Variants in FHOD3 observed in about 807,000 individuals in gnomAD.
FHOD3 encodes formin homology 2 domain containing 3.
Under a neutral mutation model 173.0 loss-of-function variants are expected in FHOD3, and 90 were observed. That is an observed-to-expected ratio of 0.52 (90% CI 0.44 to 0.62). The LOEUF is 0.62. Ranked by LOEUF, FHOD3 falls within the 20% of genes least tolerant of loss-of-function variation. FHOD3 has a pLI of 0.00. For missense variants in FHOD3, 1,945 were observed against 2,034.7 expected, an observed-to-expected ratio of 0.96 and a Z score of 0.85; for synonymous variants, 828 against 823.0, an observed-to-expected ratio of 1.01 and a Z score of -0.10.
At chr18:36,303,870 G>T (rs1184717839) in intron 1 of FHOD3, among the ~76,000 whole-genome samples, 1 of 152,036 alleles carries the variant, frequency 6.6e-6, no homozygotes. Context: ...GATTTTTGGG[G>T]GTGAAGGGGG....
intron 3 of FHOD3, among the ~76,000 whole-genome samples, chr18:36,423,124 C>G (rs202216098): frequency 3.5e-5 from 5 of 142,706 alleles, no homozygotes; most frequent in Non-Finnish European, 7.7e-5. Flanking sequence ...ACACCCCCCC[C>G]AAACTTCATG....
chr18:36,479,697 G>A (rs189292356), intron 3 of FHOD3, among the ~76,000 whole-genome samples: 32 of 152,118 alleles, frequency 2.1e-4, no homozygotes, highest in Admixed American at 1.8e-3. Context: ...ACTATATAGC[G>A]TGAATATATT....
chr18:36,511,058 T>A (rs1214066804), intron 4 of FHOD3, among the ~76,000 whole-genome samples: 1 of 152,250 alleles, frequency 6.6e-6, no homozygotes, highest in Non-Finnish European at 1.5e-5. Context: ...ATCTACATTA[T>A]TTTTTCTCTT....
rs539936030 is a variant in FHOD3, at chr18:36,721,492, C to G, written c.3417+2777C>G. 2.0e-5 allele frequency among the ~76,000 whole-genome samples: 3 copies of G among 152,016 alleles called. No homozygotes were observed. In the East Asian group the frequency reaches 5.8e-4, roughly 29 times the overall value. On this transcript the variant is annotated intron_variant, in intron 19 of 28. Coordinates refer to ENST00000590592, the MANE Select transcript of FHOD3 (RefSeq NM_001281740.3). ...CCCATCTCTATAAAATGTACACACA[C>G]GCACACAGCCAGGGATGGTAGTACA...
At chr18:36,531,226 C>G (rs1178393761) in intron 5 of FHOD3, among the ~76,000 whole-genome samples, 1 of 152,104 alleles carries the variant, frequency 6.6e-6, no homozygotes, top group Non-Finnish European at 1.5e-5. Context: ...AGAAGGAAGA[C>G]CCATCTGTGA....
intron 3 of FHOD3, among the ~76,000 whole-genome samples, chr18:36,458,116 G>A (rs543251016): frequency 5.6e-4 from 85 of 152,232 alleles, no homozygotes; most frequent in African/African-American, 2.0e-3. Flanking sequence ...TATCAGAAAG[G>A]GTTCTGGATT....
intron 3 of FHOD3, among the ~76,000 whole-genome samples, chr18:36,480,323 T>A (rs1054142470): frequency 2.0e-5 from 3 of 152,168 alleles, no homozygotes; most frequent in Non-Finnish European, 2.9e-5. Context: ...AAAAATTACA[T>A]TTAAATCTGT....
chr18:36,543,774 A>T (rs1254346012), intron 5 of FHOD3, among the ~76,000 whole-genome samples: 1 of 152,208 alleles, frequency 6.6e-6, no homozygotes, highest in Non-Finnish European at 1.5e-5. Context: ...TCTTCAAATC[A>T]GCATTTGGTA....
intron 1 of FHOD3, among the ~76,000 whole-genome samples, chr18:36,335,426 C>G (rs2045256869): frequency 6.7e-6 from 1 of 149,264 alleles, no homozygotes; most frequent in African/African-American, 2.5e-5. Context: ...ACCCGGGAGG[C>G]AGAGCTTGCA....
chr18:36,708,412 G>A (rs1039493486), intron 17 of FHOD3, among the ~76,000 whole-genome samples: 1 of 152,184 alleles, frequency 6.6e-6, no homozygotes, highest in African/African-American at 2.4e-5. Flanking sequence ...AGGCAAAAAG[G>A]TTATATATTA....
At chr18:36,741,337 A>G (rs1016717723) in intron 21 of FHOD3, among the ~76,000 whole-genome samples, 8 of 152,198 alleles carry the variant, frequency 5.3e-5, no homozygotes, top group African/African-American at 1.2e-4. Context: ...AGCAGAGGAC[A>G]TGGGCATCCT....
chr18:36,681,296 C>A, intron 14 of FHOD3, 140 bp from the exon 15 acceptor site: 1 of 961,248 alleles, frequency 1.0e-6, no homozygotes, highest in Non-Finnish European at 1.5e-6. Flanking sequence ...ACAAGAAGAC[C>A]CGAGGCATTC....
intron 19 of FHOD3, 59 bp from the exon 20 acceptor site, chr18:36,730,587 A>T: frequency 1.3e-6 from 2 of 1,546,958 alleles, no homozygotes; most frequent in African/African-American, 1.4e-5. Context: ...TTAATAATGA[A>T]ATGCAGAAAG....
intron 3 of FHOD3, among the ~76,000 whole-genome samples, chr18:36,498,277 A>G (rs1224774560): frequency 5.3e-5 from 8 of 152,206 alleles, no homozygotes; most frequent in Non-Finnish European, 1.2e-4. Context: ...CAAATCATTT[A>G]AATTTCTACC....
chr18:36,388,132 GT>G (rs1370393910), intron 3 of FHOD3, among the ~76,000 whole-genome samples: 2 of 152,010 alleles, frequency 1.3e-5, no homozygotes, highest in Non-Finnish European at 2.9e-5. Context: ...TTTTGGTGTG[GT>G]TTTTCTCCAA....
intron 9 of FHOD3, among the ~76,000 whole-genome samples, chr18:36,622,680 C>T (rs781375326): frequency 5.3e-5 from 8 of 152,262 alleles, no homozygotes; most frequent in South Asian, 4.2e-4. Context: ...ATACTCATTG[C>T]GCTGTATTTG....
intron 1 of FHOD3, among the ~76,000 whole-genome samples, chr18:36,341,661 A>G (rs144250782): frequency 3.0e-4 from 45 of 152,328 alleles, no homozygotes; most frequent in Middle Eastern, 3.4e-3. Flanking sequence ...TGGGACCCCT[A>G]AAGATTACAC....
chr18:36,558,563 G>A (rs1402631680), intron 5 of FHOD3, among the ~76,000 whole-genome samples: 2 of 151,970 alleles, frequency 1.3e-5, no homozygotes, highest in Non-Finnish European at 2.9e-5. Context: ...CTACTTCTGG[G>A]AATATATCTT....
chr18:36,380,543 CTTTCTTTTG>C (rs1475424215), intron 3 of FHOD3, among the ~76,000 whole-genome samples: 76 of 119,514 alleles, frequency 6.4e-4, no homozygotes, highest in African/African-American at 2.6e-3. Flanking sequence ...CTTTCTCTCT[CTTTCTTTTG>C]TTTTCTTTTC....
Sources: allele counts gnomAD v4.1 joint callset (sites outside exome capture counted in the v4.1 genomes callset), GRCh38; gene constraint gnomAD v4.1.1; transcripts MANE v1.5; gene names NCBI Gene and HGNC (gene_info 2026-07-23, HGNC 2026-07-21).